STRN3: variants seen among roughly 807,000 people sequenced by gnomAD.
The protein encoded by STRN3 is striatin 3, also known as striatin-3.
Under a neutral mutation model 95.6 loss-of-function variants are expected in STRN3, and 29 were observed. The observed-to-expected ratio is 0.30, with a 90% CI of 0.23 to 0.41. The LOEUF (loss-of-function observed/expected upper bound fraction) is 0.41, where lower values mean the gene tolerates loss of function less well. Ranked by LOEUF, STRN3 falls within the 10% of genes least tolerant of loss-of-function variation. STRN3 has a pLI of 1.00. For missense variants in STRN3, 890 were observed against 972.1 expected (o/e 0.92, Z 1.12); for synonymous variants, 331 against 357.6 (o/e 0.93, Z 0.84).
In STRN3 at chr14:31,025,887, C is replaced by A; in HGVS notation, c.282+17G>T. 6.3e-7 allele frequency: 1 copy of A among 1,594,074 alleles called. No individual in the cohort carries two copies. ...CCCAGCCGCCGCAGCTCCCGCACAC[C>A]GACCCCAACGAGGTACCTGCAGTTC... On this transcript the variant is annotated intron_variant, in intron 1 of 17. Transcript: ENST00000357479.
rs1181429705 is a variant in STRN3 at position 30,895,237 on chromosome 14, GTTAAC to G, written c.*169_*173del. On this transcript the variant is annotated 3_prime_UTR_variant, in exon 18 of 18. Transcript: ENST00000357479. ...TGTCCCACAAAATACAGTAATTACA[GTTAAC>G]TTAATGAGCTTGACATTAAGATGTG... 1.5e-5 allele frequency: 10 copies of G among 675,154 alleles called. No homozygotes were observed. The highest frequency in any genetic ancestry group is 2.1e-5 in the Non-Finnish European group (9 of 420,384). The allele number at this position is 675,154 out of a possible 1,614,324, so 41.8% of individuals were successfully genotyped here.
intron 14 of STRN3, among the ~76,000 whole-genome samples, chr14:30,905,993 A>T (rs184567194): frequency 6.6e-6 from 1 of 152,196 alleles, no homozygotes. Context: ...AGCAGCTAAT[A>T]CAAGTCAGAT....
At chr14:30,983,102 T>C (rs190142952) in intron 1 of STRN3, among the ~76,000 whole-genome samples, 1 of 152,376 alleles carries the variant, frequency 6.6e-6, no homozygotes, top group African/African-American at 2.4e-5. Context: ...AATAAATATT[T>C]GGCAAATTTT....
At chr14:30,941,225 G>A (rs1391991155) in intron 5 of STRN3, among the ~76,000 whole-genome samples, 2 of 152,118 alleles carry the variant, frequency 1.3e-5, no homozygotes, top group Non-Finnish European at 2.9e-5. Context: ...AGCCCAGAAG[G>A]ACTAAGAATA....
In STRN3 at chr14:30,929,188, A is replaced by C; in HGVS notation, c.1099+13T>G. The stretch of plus-strand genomic sequence containing the variant: ...GGTATACAAAAATTATAATAGTCAG[A>C]ATCTGCACTTACTCTTCACCCCTTT... On this transcript the variant is annotated intron_variant, in intron 8 of 17. Transcript: ENST00000357479. The C allele has an allele frequency of 6.3e-7, 1 of 1,591,814 alleles. No homozygotes were observed. Among genetic ancestry groups the C allele is most frequent in the Non-Finnish European group, 8.6e-7 (1 of 1,168,010 alleles).
intron 1 of STRN3, among the ~76,000 whole-genome samples, chr14:31,017,494 G>A (rs1442380276): frequency 4.7e-5 from 7 of 148,846 alleles, no homozygotes; most frequent in Admixed American, 2.0e-4. Context: ...GCGAGACTCC[G>A]TCTCAAAAAA....
chr14:31,017,646 T>C (rs1410156483), intron 1 of STRN3, among the ~76,000 whole-genome samples: 2 of 152,200 alleles, frequency 1.3e-5, no homozygotes, highest in East Asian at 1.9e-4. Context: ...AAGGATACCA[T>C]GGGAAGGTAT....
At chr14:30,977,161 G>C (rs1320802223) in intron 1 of STRN3, among the ~76,000 whole-genome samples, 1 of 152,168 alleles carries the variant, frequency 6.6e-6, no homozygotes, top group African/African-American at 2.4e-5. Flanking sequence ...AGGAGGCAGA[G>C]GCTGCAGTGA....
chr14:30,906,269 T>C (rs1160017726), intron 14 of STRN3, among the ~76,000 whole-genome samples: 1 of 152,114 alleles, frequency 6.6e-6, no homozygotes, highest in African/African-American at 2.4e-5. Context: ...AATTATATAT[T>C]TACTATTCAC....
At chr14:30,903,160 T>A (rs973780769) in intron 15 of STRN3, among the ~76,000 whole-genome samples, 1 of 151,980 alleles carries the variant, frequency 6.6e-6, no homozygotes, top group Admixed American at 6.6e-5. Context: ...CAGAGAAATA[T>A]CAAAACAAAT....
At chr14:30,910,537 T>G (rs923711959) in intron 13 of STRN3, among the ~76,000 whole-genome samples, 1 of 152,050 alleles carries the variant, frequency 6.6e-6, no homozygotes, top group Admixed American at 6.5e-5. Context: ...AACAGATTTC[T>G]AAAAGCTACA....
chr14:30,974,310 A>G (rs547634384), intron 1 of STRN3, among the ~76,000 whole-genome samples: 25 of 152,314 alleles, frequency 1.6e-4, no homozygotes, highest in Middle Eastern at 3.4e-3. Flanking sequence ...GGTAATTAAG[A>G]AAACAATTCC....
intron 1 of STRN3, chr14:30,964,267 T>C (rs2179932): frequency 0.8 from 121,330 of 152,140 alleles, 48,960 homozygotes; most frequent in Non-Finnish European, 0.87. Flanking sequence ...CAAGAGAAGA[T>C]AGGGCATGGG....
rs1881383002 is a variant in STRN3 at position 30,981,242 on chromosome 14, G to A, written c.283-25000C>T. 3.3e-5 allele frequency among the ~76,000 whole-genome samples: 5 copies of A among 151,884 alleles called. No homozygotes were observed. The South Asian group carries it at 8.3e-4, about 25-fold the overall frequency. On this transcript the variant is annotated intron_variant, in intron 1 of 17. Transcript: ENST00000357479. Reference sequence around the variant, plus strand: ...AGGTGGGAGGACCACTGGAGCCCAGGAGTTGGAGACCGAGGGAACTATGAC... The same window carrying A: ...AGGTGGGAGGACCACTGGAGCCCAGAAGTTGGAGACCGAGGGAACTATGAC...
At chr14:30,924,466 A>AT (rs1184987896) in intron 8 of STRN3, among the ~76,000 whole-genome samples, 9 of 151,346 alleles carry the variant, frequency 5.9e-5, no homozygotes, top group Non-Finnish European at 1.2e-4. Flanking sequence ...TTTTTTTTGT[A>AT]TTTTTAGTAG....
chr14:30,909,430 C>T (rs1054776894), intron 13 of STRN3, among the ~76,000 whole-genome samples: 5 of 151,796 alleles, frequency 3.3e-5, no homozygotes, highest in Admixed American at 1.3e-4. Context: ...GCCAAGATCA[C>T]GCCACTGCCC....
chr14:30,972,896 A>G (rs770370246), intron 1 of STRN3, among the ~76,000 whole-genome samples: 6 of 152,230 alleles, frequency 3.9e-5, no homozygotes, highest in Non-Finnish European at 8.8e-5. Context: ...GAGCTATATA[A>G]TATTTATTTC....
chr14:30,939,275 A>G (rs1050919034), intron 5 of STRN3, among the ~76,000 whole-genome samples: 5 of 152,204 alleles, frequency 3.3e-5, no homozygotes, highest in Admixed American at 2.0e-4. Context: ...TAAAAGGGCA[A>G]TATGTGTCTC....
intron 1 of STRN3, 41 bp from the exon 2 acceptor site, chr14:30,956,283 A>G (rs962919003): frequency 1.1e-5 from 18 of 1,572,384 alleles, no homozygotes; most frequent in Non-Finnish European, 1.5e-5. Flanking sequence ...TTTTCCCTTA[A>G]CCATACATAG....
Sources: allele counts gnomAD v4.1 joint callset (sites outside exome capture counted in the v4.1 genomes callset), GRCh38; gene constraint gnomAD v4.1.1; transcripts MANE v1.5; gene names NCBI Gene and HGNC (gene_info 2026-07-23, HGNC 2026-07-21).